The following FAXC variants were observed in gnomAD, a reference collection of about 807,000 sequenced individuals.
FAXC encodes failed axon connections homolog, metaxin like GST domain containing, also known as failed axon connections homolog.
FAXC carries 10 observed loss-of-function variants against 41.9 expected under a neutral mutation model. The ratio of observed to expected loss-of-function variants is 0.24; its 90% CI spans 0.15 to 0.41. The LOEUF (loss-of-function observed/expected upper bound fraction) is 0.41, where lower values mean the gene tolerates loss of function less well. Among genes scored for constraint, FAXC ranks in the 10% least tolerant of loss-of-function variants. The pLI is 1.00. For missense variants in FAXC, 399 were observed against 510.9 expected, an observed-to-expected ratio of 0.78 and a Z score of 2.11; for synonymous variants, 183 against 183.8, an observed-to-expected ratio of 1.00 and a Z score of 0.03.
intron 3 of FAXC, among the ~76,000 whole-genome samples, chr6:99,326,052 G>C (rs1772791361): frequency 6.6e-6 from 1 of 152,234 alleles, no homozygotes; most frequent in South Asian, 2.1e-4. Context: ...GGCTGCATTT[G>C]AGGAAGCCTG....
Position 99,323,426 on chromosome 6 carries a change from G to T in FAXC, c.823+18C>A. 6.3e-7 allele frequency: 1 copy of T among 1,584,904 alleles called. No individual in the cohort carries two copies. Among genetic ancestry groups the T allele is most frequent in the Non-Finnish European group, 8.7e-7 (1 of 1,154,340 alleles). ...GGAAAGAATAGCAAATATAGAAATA[G>T]AAGGTGTGGTACATTACCCAAAAGC... On this transcript the variant is annotated intron_variant, in intron 4 of 5. Coordinates refer to ENST00000389677, the MANE Select transcript of FAXC (RefSeq NM_032511.4).
intron 4 of FAXC, among the ~76,000 whole-genome samples, chr6:99,292,139 T>C (rs189338258): frequency 2.5e-4 from 38 of 152,208 alleles, no homozygotes; most frequent in African/African-American, 8.9e-4. Context: ...CAAACTCAAG[T>C]AAAGCCTGTG....
intron 4 of FAXC, among the ~76,000 whole-genome samples, chr6:99,304,676 C>A (rs1253768367): frequency 2.0e-5 from 3 of 152,160 alleles, no homozygotes; most frequent in Non-Finnish European, 4.4e-5. Context: ...ATCCATTCAG[C>A]AAATAGTTAT....
At chr6:99,285,753 A>T (rs1450996535) in intron 5 of FAXC, among the ~76,000 whole-genome samples, 1 of 152,184 alleles carries the variant, frequency 6.6e-6, no homozygotes, top group Non-Finnish European at 1.5e-5. Flanking sequence ...ATGCCCCCCT[A>T]CCCAGAAGAT....
At chr6:99,304,849 T>C (rs1461374513) in intron 4 of FAXC, among the ~76,000 whole-genome samples, 2 of 152,148 alleles carry the variant, frequency 1.3e-5, no homozygotes, top group East Asian at 1.9e-4. Flanking sequence ...ACTCCCTTGA[T>C]GGAAGTACAA....
At chr6:99,327,557 C>T (rs1162722425) in intron 3 of FAXC, among the ~76,000 whole-genome samples, 1 of 152,118 alleles carries the variant, frequency 6.6e-6, no homozygotes, top group African/African-American at 2.4e-5. Flanking sequence ...CCTTCCACCC[C>T]TTACATATTC....
chr6:99,340,227 G>C (rs1773371453), intron 2 of FAXC, among the ~76,000 whole-genome samples: 2 of 151,956 alleles, frequency 1.3e-5, no homozygotes, highest in South Asian at 2.1e-4. Flanking sequence ...AGCCTCCCGA[G>C]TAGCTGGGAT....
intron 3 of FAXC, among the ~76,000 whole-genome samples, chr6:99,329,990 C>A (rs750512592): frequency 6.6e-6 from 1 of 151,728 alleles, no homozygotes; most frequent in Non-Finnish European, 1.5e-5. Context: ...CCTCGAACTC[C>A]TGGGCTCAAA....
Position 99,277,543 on chromosome 6 carries a change from C to G in FAXC, c.*3621G>C, listed in dbSNP as rs1230845760. 1 of 152,212 alleles carries G rather than the reference C, an allele frequency of 6.6e-6. No homozygotes were observed. Among genetic ancestry groups the G allele is most frequent in the Non-Finnish European group, 1.5e-5 (1 of 68,076 alleles). 9.4% of individuals were successfully genotyped at this position (152,212 alleles called of 1,614,324 possible). A position where few individuals can be genotyped will look rare whatever the true frequency, so the allele number is the denominator to read the frequency against. On this transcript the variant is annotated 3_prime_UTR_variant, in exon 6 of 6. Transcript: ENST00000389677. ...GAGTCTTGGTGATTTGGGAATCCAT[C>G]TTGCTATTCTTCAGAGTCTAGCAAT...
intron 2 of FAXC, among the ~76,000 whole-genome samples, chr6:99,335,730 C>T (rs1246940836): frequency 6.6e-6 from 1 of 152,180 alleles, no homozygotes; most frequent in Non-Finnish European, 1.5e-5. Context: ...GATGGCCTTC[C>T]TGAGAGATCT....
intron 2 of FAXC, among the ~76,000 whole-genome samples, chr6:99,335,134 T>A (rs1773171260): frequency 1.3e-5 from 2 of 152,214 alleles, no homozygotes; most frequent in Non-Finnish European, 2.9e-5. Flanking sequence ...TCCCCTACCC[T>A]TACAGAGTAA....
chr6:99,349,933 G>A (rs998154289), upstream of FAXC: 1 of 152,024 alleles, frequency 6.6e-6, no homozygotes, highest in African/African-American at 2.4e-5. Context: ...CCCGGATCCC[G>A]GTCCTCCCCT....
chr6:99,339,578 A>ACTT (rs1773342433), intron 2 of FAXC, among the ~76,000 whole-genome samples: 4 of 152,266 alleles, frequency 2.6e-5, no homozygotes, highest in African/African-American at 9.6e-5. Context: ...AACATAATAA[A>ACTT]TATCCTCCAA....
chr6:99,281,288 G>A lies in FAXC; in HGVS notation c.1106C>T (p.Thr369Ile), dbSNP rs751790930. Residue 369 changes from threonine (T) to isoleucine (I), a missense_variant, in exon 6 of 6, where the codon ACC (threonine) becomes ATC (isoleucine). Physicochemically the swap from Thr to Ile is moderately conservative, Grantham distance 89 (BLOSUM62 -1). Around this residue, in one of 3 missense-constraint regions of FAXC, gnomAD observed 92 missense variants for 94.9 expected, o/e 0.97. Transcript: ENST00000389677. ...LDFSFYSRTETFEDEGAENSF... is the reference protein window; with the variant it reads ...LDFSFYSRTEIFEDEGAENSF... ...GTTTTCTGCTCCCTCATCTTCAAAG[G>A]TCTCTGTCCTTGAGTAAAAGCTAAA... 3 of 1,614,044 alleles carry A rather than the reference G, an allele frequency of 1.9e-6. No homozygotes were observed. The highest frequency in any genetic ancestry group is 3.3e-5 in the Admixed American group (2 of 59,998).
At chr6:99,324,962 G>A (rs368880307) in intron 3 of FAXC, among the ~76,000 whole-genome samples, 50 of 152,244 alleles carry the variant, frequency 3.3e-4, no homozygotes, top group African/African-American at 1.1e-3. Flanking sequence ...CAGGAGGATC[G>A]CTTGGGCCCA....
At chr6:99,339,119 G>A (rs2128464356) in intron 2 of FAXC, among the ~76,000 whole-genome samples, 1 of 152,348 alleles carries the variant, frequency 6.6e-6, no homozygotes, top group East Asian at 1.9e-4. Context: ...GCTATGGGGA[G>A]TCAGGAGCTG....
chr6:99,301,263 T>A (rs1771694992), intron 4 of FAXC, among the ~76,000 whole-genome samples: 1 of 152,212 alleles, frequency 6.6e-6, no homozygotes, highest in Non-Finnish European at 1.5e-5. Flanking sequence ...ATGCTGGACA[T>A]CATGTCAAAA....
intron 4 of FAXC, among the ~76,000 whole-genome samples, chr6:99,317,178 T>G (rs755468151): frequency 2.6e-4 from 4 of 15,274 alleles, no homozygotes; most frequent in Non-Finnish European, 4.3e-4. Context: ...GGAAATCAGA[T>G]TTTTTTTTTC....
Position 99,305,212 on chromosome 6 carries a change from C to T in FAXC, c.824-13392G>A, listed in dbSNP as rs1053130379. On this transcript the variant is annotated intron_variant, in intron 4 of 5. Transcript: ENST00000389677. ...TAGTCTGCATTTCAAGGTAACCACT[C>T]TTAGTGTTAAAAACCAAAACTGGAG... Among the ~76,000 whole-genome samples the T allele has an allele frequency of 7.2e-5, 11 of 152,264 alleles. No individual in the cohort carries two copies. In the South Asian group the frequency reaches 2.3e-3, roughly 32 times the overall value.
Sources: gnomAD v4.1 joint callset for allele counts (sites outside exome capture counted in the v4.1 genomes callset) on GRCh38, gnomAD v4.1.1 for gene constraint, gnomAD v4.1.1 regional missense constraint, MANE v1.5 for transcripts, NCBI Gene and HGNC (gene_info 2026-07-23, HGNC 2026-07-21) for gene names.